The following ZDHHC14 variants were observed in gnomAD, a reference collection of about 807,000 sequenced individuals.
ZDHHC14 encodes palmitoyltransferase ZDHHC14.
ZDHHC14 carries 16 observed loss-of-function variants against 47.7 expected under a neutral mutation model. The ratio of observed to expected loss-of-function variants is 0.34; its 90% CI spans 0.23 to 0.51. ZDHHC14 has a LOEUF of 0.51. Ranked by LOEUF, ZDHHC14 falls within the 20% of genes least tolerant of loss-of-function variation. ZDHHC14 has a pLI of 0.97. For missense variants in ZDHHC14, 515 were observed against 662.5 expected, an observed-to-expected ratio of 0.78 and a Z score of 2.44; for synonymous variants, 293 against 278.9, an observed-to-expected ratio of 1.05 and a Z score of -0.50.
At chr6:157,483,825 A>G (rs1779690876) in intron 1 of ZDHHC14, among the ~76,000 whole-genome samples, 1 of 152,160 alleles carries the variant, frequency 6.6e-6, no homozygotes, top group Admixed American at 6.5e-5. Flanking sequence ...TGCATGACTT[A>G]GTGCTCTTTT....
chr6:157,673,513 C>A lies in ZDHHC14; in HGVS notation c.*391C>A. The A allele has an allele frequency of 1.1e-5, 2 of 187,506 alleles. No individual in the cohort carries two copies. Among genetic ancestry groups the A allele is most frequent in the East Asian group, 1.3e-4 (1 of 7,674 alleles). 11.6% of individuals were successfully genotyped at this position (187,506 alleles called of 1,614,324 possible). On this transcript the variant is annotated 3_prime_UTR_variant, in exon 9 of 9. Transcript: ENST00000359775. The surrounding 1 kb of genome is among the most constrained non-coding windows in gnomAD (Gnocchi z 5.4). ...CTACTAATATTTGAAACAGACCTGC[C>A]ATTCCATTTGTTAATTAAAAAAAAA...
intron 5 of ZDHHC14, among the ~76,000 whole-genome samples, chr6:157,639,982 A>G (rs1348506651): frequency 2.6e-5 from 4 of 152,198 alleles, no homozygotes; most frequent in Non-Finnish European, 4.4e-5. Flanking sequence ...CTGCTTATCA[A>G]TGAGAATGTC....
chr6:157,604,286 TA>T (rs201921035), intron 3 of ZDHHC14, among the ~76,000 whole-genome samples: 6,777 of 140,418 alleles, frequency 0.048, 183 homozygotes, highest in Non-Finnish European at 0.064. Context: ...AAGCCTGTCT[TA>T]AAAAAAAAAA....
intron 1 of ZDHHC14, among the ~76,000 whole-genome samples, chr6:157,475,537 A>G (rs2114830506): frequency 6.6e-6 from 1 of 152,180 alleles, no homozygotes; most frequent in South Asian, 2.1e-4. Context: ...AATTTCTTTC[A>G]TCAGTGTTTT....
intron 2 of ZDHHC14, among the ~76,000 whole-genome samples, chr6:157,578,617 T>C (rs1426208759): frequency 1.3e-5 from 2 of 152,214 alleles, no homozygotes; most frequent in African/African-American, 4.8e-5. Context: ...AATCCCCATG[T>C]GTCAAGGGCA....
chr6:157,476,483 A>G lies in ZDHHC14; in HGVS notation c.246-66102A>G, dbSNP rs142866409. 1.2e-3 allele frequency among the ~76,000 whole-genome samples: 176 copies of G among 152,334 alleles called. 3 individuals carry two copies. Among genetic ancestry groups the G allele is most frequent in the Non-Finnish European group, 3.8e-4 (26 of 68,022 alleles). ...GCTGAATTCTACCTAACATTTAAAG[A>G]CAACCCAATACTAATCCTTCTAAAA... On this transcript the variant is annotated intron_variant, in intron 1 of 8. Coordinates refer to ENST00000359775, the MANE Select transcript of ZDHHC14 (RefSeq NM_024630.3).
chr6:157,464,905 G>T (rs1779170917), intron 1 of ZDHHC14, among the ~76,000 whole-genome samples: 1 of 152,164 alleles, frequency 6.6e-6, no homozygotes, highest in Non-Finnish European at 1.5e-5. Flanking sequence ...GCCAGCTGTG[G>T]CTTCGTCGCA....
intron 2 of ZDHHC14, among the ~76,000 whole-genome samples, chr6:157,563,691 G>A (rs751819654): frequency 5.9e-5 from 9 of 152,326 alleles, no homozygotes; most frequent in African/African-American, 1.2e-4. Context: ...GACTAAGTGC[G>A]AACTAGGACC....
chr6:157,622,492 A>C (rs1477651898), intron 3 of ZDHHC14, among the ~76,000 whole-genome samples: 2 of 152,140 alleles, frequency 1.3e-5, no homozygotes, highest in Non-Finnish European at 2.9e-5. Flanking sequence ...GTTCCCACTG[A>C]CCACTTTAAT....
intron 1 of ZDHHC14, among the ~76,000 whole-genome samples, chr6:157,517,349 C>G (rs999702656): frequency 6.6e-6 from 1 of 150,798 alleles, no homozygotes; most frequent in African/African-American, 2.4e-5. Context: ...GAGTTTCGCT[C>G]TGTCAGCCAG....
intron 3 of ZDHHC14, among the ~76,000 whole-genome samples, chr6:157,610,648 T>G (rs944962642): frequency 5.3e-5 from 8 of 152,176 alleles, no homozygotes; most frequent in African/African-American, 1.9e-4. Context: ...AGAGCGGCCT[T>G]GGTCTCAATG....
intron 3 of ZDHHC14, among the ~76,000 whole-genome samples, chr6:157,607,448 C>T (rs376971799): frequency 3.3e-5 from 5 of 152,236 alleles, no homozygotes; most frequent in African/African-American, 1.2e-4. Flanking sequence ...TCCTCTCTCT[C>T]TTCCTCTTTT....
intron 1 of ZDHHC14, among the ~76,000 whole-genome samples, chr6:157,409,479 GA>G (rs1289103675): frequency 6.6e-6 from 1 of 152,208 alleles, no homozygotes; most frequent in Non-Finnish European, 1.5e-5. Context: ...CTTTTCTGGT[GA>G]GGGGCTGGAC....
At chr6:157,487,343 C>T (rs1779805665) in intron 1 of ZDHHC14, among the ~76,000 whole-genome samples, 1 of 152,212 alleles carries the variant, frequency 6.6e-6, no homozygotes, top group African/African-American at 2.4e-5. Flanking sequence ...CAGCGCGGTC[C>T]TAGTGAGGGC....
intron 2 of ZDHHC14, among the ~76,000 whole-genome samples, chr6:157,566,727 T>C (rs1244816042): frequency 1.3e-5 from 2 of 152,064 alleles, no homozygotes; most frequent in African/African-American, 4.8e-5. Context: ...GAGTTTGGGG[T>C]CAGAACCCAA....
At chr6:157,413,547 T>G (rs531303281) in intron 1 of ZDHHC14, among the ~76,000 whole-genome samples, 1 of 152,150 alleles carries the variant, frequency 6.6e-6, no homozygotes, top group Non-Finnish European at 1.5e-5. Context: ...TTTTTTTTTC[T>G]TTTAAAGGTA....
chr6:157,592,675 GCC>G (rs1486094236), intron 2 of ZDHHC14: 5 of 1,014,890 alleles, frequency 4.9e-6, no homozygotes, highest in Non-Finnish European at 6.1e-6. Context: ...CTCTCCTGCC[GCC>G]TACAGGGAGG....
intron 1 of ZDHHC14, among the ~76,000 whole-genome samples, chr6:157,466,640 C>G (rs1458020838): frequency 2.0e-5 from 3 of 152,102 alleles, no homozygotes; most frequent in African/African-American, 7.2e-5. Context: ...GAGTTCGACA[C>G]TAGCCTGGCC....
rs1220941072 is a variant in ZDHHC14, at chr6:157,431,918, AG to A, written c.245+49655del. ...TAATTTTTGTATTTTTTGTAGAGAT[AG>A]GGTTTTGCCACGTTGCCCAGGCTGG... On this transcript the variant is annotated intron_variant, in intron 1 of 8. Transcript: ENST00000359775. Among the ~76,000 whole-genome samples the A allele has an allele frequency of 5.3e-5, 8 of 152,044 alleles. No homozygotes were observed. The South Asian group carries it at 1.2e-3, about 24-fold the overall frequency.
Sources: gnomAD v4.1 joint callset for allele counts (sites outside exome capture counted in the v4.1 genomes callset) on GRCh38, gnomAD v4.1.1 for gene constraint, Gnocchi (gnomAD v3.1) non-coding constraint, MANE v1.5 for transcripts, NCBI Gene and HGNC (gene_info 2026-07-23, HGNC 2026-07-21) for gene names.